The following SPAG9 variants were observed in gnomAD, a reference collection of about 807,000 sequenced individuals.
SPAG9 encodes the protein C-Jun-amino-terminal kinase-interacting protein 4.
A neutral mutation model predicts 166.5 loss-of-function variants in SPAG9; 35 were observed. The observed-to-expected ratio is 0.21, with a 90% CI of 0.16 to 0.28. The LOEUF (loss-of-function observed/expected upper bound fraction) is 0.28. SPAG9 is among the 10% of genes least tolerant of loss of function. The pLI, the probability that SPAG9 is intolerant of heterozygous loss-of-function variation, is 1.00. For missense variants in SPAG9, 1,235 were observed against 1,603.3 expected (o/e 0.77, Z 3.92); for synonymous variants, 534 against 565.5 (o/e 0.94, Z 0.79).
chr17:51,020,999 A>G (rs2045917602), intron 7 of SPAG9, among the ~76,000 whole-genome samples, 159 bp downstream of exon 7: 1 of 152,122 alleles, frequency 6.6e-6, no homozygotes, highest in African/African-American at 2.4e-5. Context: ...AAATATTTTC[A>G]ATCTACAGAT....
Position 51,120,589 on chromosome 17 carries a change from C to A in SPAG9, c.68G>T (p.Arg23Leu). 6.2e-7 allele frequency: 1 copy of A among 1,613,296 alleles called. No individual in the cohort carries two copies. Among genetic ancestry groups the A allele is most frequent in the Non-Finnish European group, 8.5e-7 (1 of 1,179,706 alleles). ...PGGSGAVMSE[R>L]VSGLAGSIYR... The stretch of plus-strand genomic sequence containing the variant: ...GATGGAGCCGGCCAGGCCGGACACC[C>A]GCTCCGACATCACGGCCCCGGAGCC... Residue 23 changes from arginine to leucine, a missense_variant, in exon 1 of 30, where the codon CGG becomes CTG. Coordinates refer to ENST00000262013, the MANE Select transcript of SPAG9 (RefSeq NM_001130528.3). This position sits in a 1 kb window ranked among gnomAD's most constrained non-coding sequence, Gnocchi z 4.7.
At position 50,964,449 on chromosome 17, in the gene SPAG9, A is replaced by ATAATGAC; in HGVS notation, c.*1822_*1823insGTCATTA. The ATAATGAC allele has an allele frequency of 6.4e-6, 1 of 155,092 alleles. No homozygotes were observed. The highest frequency in any genetic ancestry group is 2.4e-5 in the African/African-American group (1 of 41,522). 9.6% of individuals were successfully genotyped at this position (155,092 alleles called of 1,614,324 possible). The stretch of plus-strand genomic sequence containing the variant: ...CTAAAAATACAAAAATTAGCTGGGC[A>ATAATGAC]GGGTGGCACACACCTGTAATCCCAG... On this transcript the variant is annotated 3_prime_UTR_variant, in exon 30 of 30. Transcript: ENST00000262013.
At chr17:51,096,038 G>GATATAT (rs377753534) in intron 1 of SPAG9, among the ~76,000 whole-genome samples, 53 of 92,608 alleles carry the variant, frequency 5.7e-4, no homozygotes, top group African/African-American at 2.9e-3. Context: ...TATATATAGT[G>GATATAT]ATATATATAT....
chr17:51,010,284 A>G (rs1209451020), intron 9 of SPAG9, among the ~76,000 whole-genome samples: 3 of 152,140 alleles, frequency 2.0e-5, no homozygotes, highest in Admixed American at 2.0e-4. Flanking sequence ...GAGAAGAATC[A>G]CCGATTTTGA....
intron 1 of SPAG9, among the ~76,000 whole-genome samples, chr17:51,112,411 A>AGTAAT (rs1568099439): frequency 6.7e-6 from 1 of 150,072 alleles, no homozygotes; most frequent in Non-Finnish European, 1.5e-5. Context: ...AGTGGCTCAC[A>AGTAAT]CCTGTAATCC....
intron 3 of SPAG9, among the ~76,000 whole-genome samples, chr17:51,052,644 A>T (rs1482900394): frequency 6.6e-6 from 1 of 152,188 alleles, no homozygotes; most frequent in Non-Finnish European, 1.5e-5. Context: ...GACAAAAAAA[A>T]AAAAGTATAT....
At chr17:51,066,440 G>A (rs1434864154) in intron 2 of SPAG9, among the ~76,000 whole-genome samples, 4 of 151,280 alleles carry the variant, frequency 2.6e-5, no homozygotes, top group East Asian at 1.9e-4. Context: ...AGTTTACTTC[G>A]GCTACTTGGG....
At chr17:51,071,174 A>G (rs919306870) in intron 2 of SPAG9, among the ~76,000 whole-genome samples, 72 of 152,192 alleles carry the variant, frequency 4.7e-4, no homozygotes, top group African/African-American at 1.6e-3. Flanking sequence ...GACCAGTTTA[A>G]TATTTTCAAC....
At chr17:51,114,384 C>T (rs911508418) in intron 1 of SPAG9, among the ~76,000 whole-genome samples, 1 of 152,134 alleles carries the variant, frequency 6.6e-6, no homozygotes, top group Non-Finnish European at 1.5e-5. Flanking sequence ...GTAATCCCAA[C>T]ACTTTGGCAG....
intron 1 of SPAG9, among the ~76,000 whole-genome samples, chr17:51,102,175 G>C (rs1300109845): frequency 6.6e-6 from 1 of 151,062 alleles, no homozygotes. Flanking sequence ...CTGAGCTCAG[G>C]AATTTGATAC....
chr17:51,074,800 TC>T (rs1023487238), intron 2 of SPAG9, among the ~76,000 whole-genome samples: 5 of 151,732 alleles, frequency 3.3e-5, no homozygotes, highest in Non-Finnish European at 7.4e-5. Flanking sequence ...ATATGACAAT[TC>T]CAAAAAAGGT....
rs59365716 is a variant in SPAG9, at chr17:51,037,665, T to TTATATATA, written c.741+3828_741+3835dup. Among the ~76,000 whole-genome samples the TTATATATA allele has an allele frequency of 8.5e-3, 790 of 92,872 alleles. 33 individuals are homozygous for TTATATATA. The highest frequency in any genetic ancestry group is 0.016 in the African/African-American group (440 of 26,900). 60.9% of individuals were successfully genotyped at this position (92,872 alleles called of 152,430 possible). On this transcript the variant is annotated intron_variant, in intron 5 of 29. Coordinates refer to ENST00000262013, the MANE Select transcript of SPAG9 (RefSeq NM_001130528.3). ...AATAAAATAAGTAAATATATGTGTT[T>TTATATATA]TATATATATATATATATATAGTGTG... is the stretch of plus-strand genomic sequence containing the variant.
At chr17:51,112,697 A>C (rs1253003850) in intron 1 of SPAG9, among the ~76,000 whole-genome samples, 6 of 149,146 alleles carry the variant, frequency 4.0e-5, no homozygotes, top group East Asian at 3.9e-4. Flanking sequence ...AAAAAAAAAA[A>C]AACTTTGGCA....
chr17:51,008,879 GA>G (rs1270735414), intron 9 of SPAG9, among the ~76,000 whole-genome samples: 1 of 152,100 alleles, frequency 6.6e-6, no homozygotes, highest in South Asian at 2.1e-4. Flanking sequence ...CAATGGCTGG[GA>G]ATGTTAACTT....
chr17:51,022,384 A>G (rs1382503746), intron 6 of SPAG9, among the ~76,000 whole-genome samples: 3 of 152,138 alleles, frequency 2.0e-5, no homozygotes, highest in Non-Finnish European at 4.4e-5. Context: ...TTGAAATTTG[A>G]TCACTATTAT....
chr17:51,088,362 C>T (rs1333744508), intron 1 of SPAG9, among the ~76,000 whole-genome samples: 1 of 152,132 alleles, frequency 6.6e-6, no homozygotes, highest in African/African-American at 2.4e-5. Context: ...AAATATAAAA[C>T]TAAAACTCTT....
At chr17:51,114,797 C>T (rs951119397) in intron 1 of SPAG9, among the ~76,000 whole-genome samples, 1 of 151,978 alleles carries the variant, frequency 6.6e-6, no homozygotes. Flanking sequence ...ACTGAAAATA[C>T]AAAAATTAGC....
chr17:51,075,429 A>T (rs983720757), intron 2 of SPAG9, among the ~76,000 whole-genome samples: 4 of 152,120 alleles, frequency 2.6e-5, no homozygotes, highest in Admixed American at 2.0e-4. Context: ...CTTTGATATC[A>T]AAAATGCAAT....
chr17:51,053,107 A>T (rs7223642), intron 3 of SPAG9, among the ~76,000 whole-genome samples: 1 of 151,632 alleles, frequency 6.6e-6, no homozygotes, highest in Admixed American at 6.6e-5. Flanking sequence ...TAATTTAATA[A>T]TTTTCAATTA....
Sources: gnomAD v4.1 joint callset for allele counts (sites outside exome capture counted in the v4.1 genomes callset) on GRCh38, gnomAD v4.1.1 for gene constraint, Gnocchi (gnomAD v3.1) non-coding constraint, MANE v1.5 for transcripts, NCBI Gene and HGNC (gene_info 2026-07-23, HGNC 2026-07-21) for gene names.